GNA15: variants seen among roughly 807,000 people sequenced by gnomAD.
The protein encoded by GNA15 is G protein subunit alpha 15, also known as guanine nucleotide-binding protein subunit alpha-15.
In GNA15, 23 loss-of-function variants were observed where a neutral mutation model predicts 40.1. The observed-to-expected ratio is 0.57, with a 90% CI of 0.41 to 0.81. The LOEUF (loss-of-function observed/expected upper bound fraction) is 0.81. Among genes scored for constraint, GNA15 ranks in the 40% least tolerant of loss-of-function variants. The probability of loss-of-function intolerance (pLI) is 0.00; values close to 1 mark genes in which losing one functional copy is unlikely to be tolerated. For missense variants in GNA15, 522 were observed against 515.8 expected (o/e 1.01, Z -0.12); for synonymous variants, 226 against 210.4 (o/e 1.07, Z -0.64).
At chr19:3,144,751 A>G (rs901212863) in intron 1 of GNA15, among the ~76,000 whole-genome samples, 4 of 150,608 alleles carry the variant, frequency 2.7e-5, no homozygotes, top group South Asian at 4.2e-4. Context: ...GATGGTCTCG[A>G]TCTCCTGACC....
chr19:3,159,124 A>C (rs1915090633), intron 6 of GNA15, among the ~76,000 whole-genome samples: 1 of 151,792 alleles, frequency 6.6e-6, no homozygotes, highest in South Asian at 2.1e-4. Context: ...TCCTGGGTTC[A>C]CACCATTCTG....
intron 2 of GNA15, 82 bp downstream of exon 2, chr19:3,148,857 T>C: frequency 7.3e-7 from 1 of 1,376,256 alleles, no homozygotes. Context: ...AGGGCCAAGT[T>C]CCCCAGACTT....
intron 4 of GNA15, among the ~76,000 whole-genome samples, chr19:3,153,396 C>T (rs985401731): frequency 1.4e-5 from 2 of 145,138 alleles, no homozygotes; most frequent in Non-Finnish European, 3.0e-5. Flanking sequence ...GTGGATGAAT[C>T]AATGGATAGA....
Position 3,151,742 on chromosome 19 carries a change from G to A in GNA15, c.521G>A (p.Gly174Asp), listed in dbSNP as rs1914886660. 4.3e-6 allele frequency: 7 copies of A among 1,610,444 alleles called. No homozygotes were observed. Among genetic ancestry groups the A allele is most frequent in the South Asian group, 1.1e-5 (1 of 90,842 alleles). ...CACCTGGAGCGCATCACCGAGGAGG[G>A]CTACGTCCCCACAGCTCAGGACGTG... is the stretch of plus-strand genomic sequence containing the variant. ...LSHLERITEE[G>D]YVPTAQDVLR... The change falls in exon 4 of 7, where the codon GGC becomes GAC. Residue 174 changes from glycine (G) to aspartate (D), a missense_variant. Gly to Asp is a moderately conservative substitution (Grantham distance 94). Transcript: ENST00000262958. This position sits in a 1 kb window ranked among gnomAD's most constrained non-coding sequence, Gnocchi z 5.0.
chr19:3,140,044 A>AATCTATCTATCTATCT (rs59955919), intron 1 of GNA15, among the ~76,000 whole-genome samples: 20 of 124,104 alleles, frequency 1.6e-4, no homozygotes, highest in East Asian at 2.2e-4. Context: ...AAAAAAAAAA[A>AATCTATCTATCTATCT]ATCTATCTAT....
At chr19:3,144,376 G>T (rs1914648260) in intron 1 of GNA15, among the ~76,000 whole-genome samples, 1 of 152,116 alleles carries the variant, frequency 6.6e-6, no homozygotes, top group Non-Finnish European at 1.5e-5. Context: ...ACATTCCGCT[G>T]CAGGAATATT....
intron 1 of GNA15, among the ~76,000 whole-genome samples, chr19:3,139,771 C>A (rs1333952249): frequency 2.0e-5 from 3 of 152,094 alleles, no homozygotes; most frequent in Non-Finnish European, 4.4e-5. Context: ...TGCGGTGGCT[C>A]ACGCCTGCAA....
chr19:3,139,417 T>G (rs1434203946), intron 1 of GNA15, among the ~76,000 whole-genome samples: 1 of 151,322 alleles, frequency 6.6e-6, no homozygotes, highest in African/African-American at 2.4e-5. Flanking sequence ...CAAGACCCAG[T>G]CTCTAAAAAA....
intron 1 of GNA15, among the ~76,000 whole-genome samples, chr19:3,147,672 C>T (rs999932496): frequency 2.9e-4 from 44 of 151,788 alleles, no homozygotes; most frequent in Non-Finnish European, 1.5e-4. Context: ...TTTGGGAGGC[C>T]GAGGCGGGTG....
chr19:3,147,852 C>T (rs1914768886), intron 1 of GNA15, among the ~76,000 whole-genome samples: 1 of 140,244 alleles, frequency 7.1e-6, no homozygotes, highest in Non-Finnish European at 1.5e-5. Context: ...CGCGCCACTG[C>T]ACTCCAGCCT....
rs746406189 is a variant in GNA15, at chr19:3,162,819, A to C, written c.925A>C (p.Lys309Gln). The C allele has an allele frequency of 6.2e-7, 1 of 1,613,922 alleles. No individual in the cohort carries two copies. Among genetic ancestry groups the C allele is most frequent in the Non-Finnish European group, 8.5e-7 (1 of 1,179,870 alleles). ...CCCTAAGCAGGATGCTGAGGCAGCC[A>C]AGAGGTTCATCCTGGACATGTACAC... The part of the protein sequence containing the change: ...QGPKQDAEAA[K>Q]RFILDMYTRM... Residue 309 changes from lysine (K) to glutamine (Q), a missense_variant, in exon 7 of 7, where the codon AAG (lysine) becomes CAG (glutamine). Physicochemically the swap from Lys to Gln is moderately conservative, Grantham distance 53. Coordinates refer to ENST00000262958, the MANE Select transcript of GNA15 (RefSeq NM_002068.4).
chr19:3,139,875 A>C (rs1246950967), intron 1 of GNA15, among the ~76,000 whole-genome samples: 2 of 151,512 alleles, frequency 1.3e-5, no homozygotes, highest in African/African-American at 4.9e-5. Context: ...CTCTACTAAA[A>C]ATACAAAAAT....
At chr19:3,154,623 AATGGCTGG>A (rs1387000964) in intron 4 of GNA15, among the ~76,000 whole-genome samples, 3 of 127,630 alleles carry the variant, frequency 2.4e-5, no homozygotes, top group East Asian at 5.2e-4. Context: ...TGGATGAGTG[AATGGCTGG>A]ATGGGTGGAT....
Position 3,136,285 on chromosome 19 carries a change from A to G in GNA15, c.-166A>G. ...CCGAGCCGGGCTTCCTGGGTGTTTC[A>G]GGCAAGGAAGTCTAGGTCCCTGGGG... On this transcript the variant is annotated 5_prime_UTR_variant, in exon 1 of 7. Coordinates refer to ENST00000262958, the MANE Select transcript of GNA15 (RefSeq NM_002068.4). The surrounding 1 kb of genome is among the most constrained non-coding windows in gnomAD (Gnocchi z 4.9). 1.6e-6 allele frequency: 1 copy of G among 634,080 alleles called. No individual in the cohort carries two copies. The highest frequency in any genetic ancestry group is 2.6e-6 in the Non-Finnish European group (1 of 378,482). The allele number at this position is 634,080 out of a possible 1,614,324, so 39.3% of individuals were successfully genotyped here. A position where few individuals can be genotyped will look rare whatever the true frequency, so the allele number is the denominator to read the frequency against.
chr19:3,136,315 A>G lies in GNA15; in HGVS notation c.-136A>G. ...AGGAAGTCTAGGTCCCTGGGGGGTG[A>G]CCCCCAAGGAAAAGGCAGCCTCCCT... On this transcript the variant is annotated 5_prime_UTR_variant, in exon 1 of 7. Transcript: ENST00000262958. This position sits in a 1 kb window ranked among gnomAD's most constrained non-coding sequence, Gnocchi z 4.9. 1.2e-6 allele frequency: 1 copy of G among 818,688 alleles called. No individual in the cohort carries two copies. Among genetic ancestry groups the G allele is most frequent in the Non-Finnish European group, 1.9e-6 (1 of 538,930 alleles). 50.7% of individuals were successfully genotyped at this position (818,688 alleles called of 1,614,324 possible).
intron 5 of GNA15, among the ~76,000 whole-genome samples, chr19:3,156,281 C>T (rs867850181): frequency 6.6e-6 from 1 of 151,796 alleles, no homozygotes; most frequent in Non-Finnish European, 1.5e-5. Context: ...CACATACACA[C>T]GTGCACACAC....
rs563059670 is a variant in GNA15 at position 3,162,561 on chromosome 19, A to G, written c.899-232A>G. Among the ~76,000 whole-genome samples, 4 of 152,286 alleles carry G rather than the reference A, an allele frequency of 2.6e-5. No homozygotes were observed. In the South Asian group the frequency reaches 8.3e-4, roughly 32 times the overall value. On this transcript the variant is annotated intron_variant, in intron 6 of 6. Transcript: ENST00000262958. ...GCCCGAAGTCCCAGAGCTGGGTCTCATTGGTCCATTTCAGGTCACATGACT... is the reference window on the plus strand; with the variant it reads ...GCCCGAAGTCCCAGAGCTGGGTCTCGTTGGTCCATTTCAGGTCACATGACT...
rs1283396610 is a variant in GNA15 at position 3,151,451 on chromosome 19, C to A, written c.486-256C>A. On this transcript the variant is annotated intron_variant, in intron 3 of 6. Transcript: ENST00000262958. This position sits in a 1 kb window ranked among gnomAD's most constrained non-coding sequence, Gnocchi z 5.0. The stretch of plus-strand genomic sequence containing the variant: ...GCCATAGCAGCTCTCCCGGGGGACA[C>A]CACTCCTCGATGAGGCCATTCCTCA... Among the ~76,000 whole-genome samples the A allele has an allele frequency of 2.0e-5, 3 of 152,124 alleles. No homozygotes were observed. The highest frequency in any genetic ancestry group is 6.5e-5 in the Admixed American group (1 of 15,276).
Position 3,163,029 on chromosome 19 carries a change from CACCTGGGG to C in GNA15, c.*11_*18del, listed in dbSNP as rs1643719861. On this transcript the variant is annotated 3_prime_UTR_variant, in exon 7 of 7. Coordinates refer to ENST00000262958, the MANE Select transcript of GNA15 (RefSeq NM_002068.4). ...GATCAACCTGCTGTGACCCAGGCCC[CACCTGGGG>C]CAGGCGGCACCGGCGGGCGGGTGGG... 3 of 1,585,680 alleles carry C rather than the reference CACCTGGGG, an allele frequency of 1.9e-6. No individual in the cohort carries two copies. Among genetic ancestry groups the C allele is most frequent in the Admixed American group, 1.7e-5 (1 of 59,936 alleles).
Sources: allele counts gnomAD v4.1 joint callset (sites outside exome capture counted in the v4.1 genomes callset), GRCh38; gene constraint gnomAD v4.1.1; non-coding constraint Gnocchi (gnomAD v3.1); transcripts MANE v1.5; gene names NCBI Gene and HGNC (gene_info 2026-07-23, HGNC 2026-07-21).